Variants in TRMT9B observed in about 807,000 individuals in gnomAD.
The protein encoded by TRMT9B is tRNA methyltransferase 9B (putative).
Under a neutral mutation model 11.5 loss-of-function variants are expected in TRMT9B, and 16 were observed. That is an observed-to-expected ratio of 1.39 (90% CI 0.94 to 2.11). The LOEUF (loss-of-function observed/expected upper bound fraction) is 2.11, where lower values mean the gene tolerates loss of function less well. Ranked by LOEUF, TRMT9B falls within the 30% of genes most tolerant of loss-of-function variation. The pLI, the probability that TRMT9B is intolerant of heterozygous loss-of-function variation, is 0.00. For missense variants in TRMT9B, 941 were observed against 553.8 expected, an observed-to-expected ratio of 1.70 and a Z score of -7.02; for synonymous variants, 274 against 192.4, an observed-to-expected ratio of 1.42 and a Z score of -3.51.
In TRMT9B at chr8:12,992,664, C is replaced by A. The variant is rs543926772; in HGVS notation, c.-2+1633C>A. ...CTCAGGAGTTTGAGACCAGCCTGGG[C>A]AACATGGTGAAAACCCATCTCTACT... On this transcript the variant is annotated intron_variant, in intron 2 of 4. Coordinates refer to ENST00000524591, the MANE Select transcript of TRMT9B (RefSeq NM_020844.3). 1.4e-4 allele frequency among the ~76,000 whole-genome samples: 21 copies of A among 150,854 alleles called. No homozygotes were observed. The East Asian group carries it at 4.1e-3, about 29-fold the overall frequency.
Position 12,992,704 on chromosome 8 carries a change from GA to G in TRMT9B, c.-2+1683del, listed in dbSNP as rs367670235. ...CCATCTCTACTAAAATACAAAAAAA[GA>G]AAAAAAAAAGCCAGGTGTGACGGCA... On this transcript the variant is annotated intron_variant, in intron 2 of 4. Coordinates refer to ENST00000524591, the MANE Select transcript of TRMT9B (RefSeq NM_020844.3). Among the ~76,000 whole-genome samples the G allele has an allele frequency of 3.1e-3, 453 of 146,252 alleles. 3 individuals carry two copies. Among genetic ancestry groups the G allele is most frequent in the African/African-American group, 0.01 (417 of 39,916 alleles).
chr8:12,999,039 G>A (rs1034045365), intron 2 of TRMT9B, among the ~76,000 whole-genome samples: 3 of 152,046 alleles, frequency 2.0e-5, no homozygotes, highest in Non-Finnish European at 2.9e-5. Context: ...AGTGGCTCAC[G>A]CCTGTAATCC....
At chr8:13,013,588 T>G (rs1037654306) in intron 4 of TRMT9B, among the ~76,000 whole-genome samples, 8 of 152,240 alleles carry the variant, frequency 5.3e-5, no homozygotes, top group South Asian at 4.1e-4. Flanking sequence ...ACAAGGTTTT[T>G]TTTGTTTGTT....
chr8:13,012,952 A>AC, intron 4 of TRMT9B, 95 bp downstream of exon 4: 1 of 1,347,384 alleles, frequency 7.4e-7, no homozygotes. Context: ...CTGTGTAGAA[A>AC]TGTCAATGTA....
At chr8:12,977,331 C>G (rs963364682) in intron 1 of TRMT9B, among the ~76,000 whole-genome samples, 1 of 152,158 alleles carries the variant, frequency 6.6e-6, no homozygotes, top group Non-Finnish European at 1.5e-5. Flanking sequence ...TAACCGTCAA[C>G]CTGTTCACGA....
intron 3 of TRMT9B, chr8:13,010,341 A>C: frequency 1.0e-6 from 1 of 971,260 alleles, no homozygotes. Flanking sequence ...GTTAAAGAAG[A>C]AAGAAATGAA....
At chr8:12,978,725 C>G (rs554040716) in intron 1 of TRMT9B, among the ~76,000 whole-genome samples, 44 of 152,334 alleles carry the variant, frequency 2.9e-4, no homozygotes, top group South Asian at 1.0e-3. Flanking sequence ...TACACAGCGT[C>G]TCAACTCTGG....
chr8:13,015,901 C>T (rs1812559496), intron 4 of TRMT9B, among the ~76,000 whole-genome samples: 1 of 151,948 alleles, frequency 6.6e-6, no homozygotes, highest in Non-Finnish European at 1.5e-5. Flanking sequence ...TGATCTGTAA[C>T]TACGAATTAA....
intron 2 of TRMT9B, among the ~76,000 whole-genome samples, chr8:12,991,809 T>C (rs1161458464): frequency 1.3e-5 from 2 of 152,042 alleles, no homozygotes; most frequent in African/African-American, 2.4e-5. Flanking sequence ...TGGGCGCCTG[T>C]AATCCCAACT....
At chr8:12,980,166 A>G in intron 1 of TRMT9B, among the ~76,000 whole-genome samples, 1 of 152,180 alleles carries the variant, frequency 6.6e-6, no homozygotes, top group East Asian at 1.9e-4. Context: ...CAGACGTCCT[A>G]AATGAAGTTG....
At chr8:12,999,181 T>G (rs1378405770) in intron 2 of TRMT9B, among the ~76,000 whole-genome samples, 1 of 151,380 alleles carries the variant, frequency 6.6e-6, no homozygotes, top group Non-Finnish European at 1.5e-5. Flanking sequence ...TGCCTATAAT[T>G]CCAGGTACTC....
chr8:12,974,394 G>T (rs138445659), intron 1 of TRMT9B, among the ~76,000 whole-genome samples: 7 of 152,304 alleles, frequency 4.6e-5, no homozygotes, highest in African/African-American at 1.7e-4. Flanking sequence ...TTTTACACTG[G>T]ACGGGGAATC....
Position 13,006,271 on chromosome 8 carries a change from C to T in TRMT9B, c.69C>T (p.Tyr23=), listed in dbSNP as rs921703781. 1.2e-6 allele frequency: 2 copies of T among 1,614,008 alleles called. No homozygotes were observed. The highest frequency in any genetic ancestry group is 1.7e-5 in the Admixed American group (1 of 60,026). Residue 23 remains tyrosine (Y), a synonymous_variant, in exon 3 of 5, where the codon TAC becomes TAT. Coordinates refer to ENST00000524591, the MANE Select transcript of TRMT9B (RefSeq NM_020844.3). ...VHNVYESTAP[Y]FSDLQSKAWP... is the part of the protein sequence containing the mutation. ...ATGTGTACGAGAGCACAGCCCCTTA[C>T]TTCAGCGACCTGCAGAGCAAAGCCT...
chr8:13,013,096 T>G (rs1199555835), intron 4 of TRMT9B, among the ~76,000 whole-genome samples: 1 of 152,256 alleles, frequency 6.6e-6, no homozygotes, highest in Non-Finnish European at 1.5e-5. Flanking sequence ...TTTTTTATGA[T>G]TCATTCCAAT....
In TRMT9B at chr8:12,990,837, C is replaced by T. The variant is rs936126899; in HGVS notation, c.-196C>T. 4 of 1,288,892 alleles carry T rather than the reference C, an allele frequency of 3.1e-6. No individual in the cohort carries two copies. 79.8% of individuals were successfully genotyped at this position (1,288,892 alleles called of 1,614,324 possible). Reference sequence around the variant, plus strand: ...GTATTTGTTTTCTTCCTGATAGGGCCTGTGCTTCCTTCAGAGACTCACACA... The same window carrying T: ...GTATTTGTTTTCTTCCTGATAGGGCTTGTGCTTCCTTCAGAGACTCACACA... On this transcript the variant is annotated 5_prime_UTR_variant, in exon 2 of 5. Coordinates refer to ENST00000524591, the MANE Select transcript of TRMT9B (RefSeq NM_020844.3).
At chr8:12,982,405 T>C (rs938478613) in intron 1 of TRMT9B, among the ~76,000 whole-genome samples, 10 of 152,204 alleles carry the variant, frequency 6.6e-5, no homozygotes, top group African/African-American at 9.6e-5. Flanking sequence ...CTTATGCCTG[T>C]AATCCCAGCA....
intron 4 of TRMT9B, among the ~76,000 whole-genome samples, chr8:13,015,554 A>G (rs537319022): frequency 4.6e-4 from 57 of 124,894 alleles, no homozygotes; most frequent in African/African-American, 1.6e-3. Context: ...TGGGGTTGCC[A>G]TATTGTCCAG....
chr8:12,958,778 G>A (rs1801648004), intron 1 of TRMT9B: 1 of 152,200 alleles, frequency 6.6e-6, no homozygotes, highest in African/African-American at 2.4e-5. Flanking sequence ...AAAAGGATGA[G>A]TTCCTGTCCT....
rs760355119 is a variant in TRMT9B, at chr8:13,021,481, G to C, written c.802G>C (p.Val268Leu). The C allele has an allele frequency of 1.7e-5, 28 of 1,613,776 alleles. No homozygotes were observed. The South Asian group carries it at 2.9e-4, about 16-fold the overall frequency. Residue 268 changes from valine to leucine, a missense_variant, in exon 5 of 5, where the codon GTA becomes CTA. By Grantham distance (32) the Val-to-Leu change is conservative (BLOSUM62 1). Coordinates refer to ENST00000524591, the MANE Select transcript of TRMT9B (RefSeq NM_020844.3). ...GACTCTGAGGAAGCAAATTGAAAGA[G>C]TAAGACCCTTGAAAAACACAGAAGT... Reference protein sequence around the residue: ...ESTLRKQIERVRPLKNTEVWA... With the variant: ...ESTLRKQIERLRPLKNTEVWA...
Sources: gnomAD v4.1 joint callset for allele counts (sites outside exome capture counted in the v4.1 genomes callset) on GRCh38, gnomAD v4.1.1 for gene constraint, MANE v1.5 for transcripts, NCBI Gene and HGNC (gene_info 2026-07-23, HGNC 2026-07-21) for gene names.